The following RNF130 variants were observed in gnomAD, a reference collection of about 807,000 sequenced individuals.
The protein encoded by RNF130 is E3 ubiquitin-protein ligase RNF130.
Under a neutral mutation model 44.6 loss-of-function variants are expected in RNF130, and 21 were observed. That is an observed-to-expected ratio of 0.47 (90% CI 0.33 to 0.68). The LOEUF (loss-of-function observed/expected upper bound fraction) is 0.68. RNF130 is among the 30% of genes least tolerant of loss of function. The pLI, the probability that RNF130 is intolerant of heterozygous loss-of-function variation, is 0.02. For missense variants in RNF130, 479 were observed against 560.6 expected, an observed-to-expected ratio of 0.85 and a Z score of 1.47; for synonymous variants, 214 against 210.4, an observed-to-expected ratio of 1.02 and a Z score of -0.15.
Position 179,977,030 on chromosome 5 carries a change from C to T in RNF130, c.848+1173G>A, listed in dbSNP as rs1409748645. 2 of 152,192 alleles carry T rather than the reference C, an allele frequency of 1.3e-5. No homozygotes were observed. The highest frequency in any genetic ancestry group is 2.9e-5 in the Non-Finnish European group (2 of 68,040). The allele number at this position is 152,192 out of a possible 1,614,324, so 9.4% of individuals were successfully genotyped here. A position where few individuals can be genotyped will look rare whatever the true frequency, so the allele number is the denominator to read the frequency against. ...GCAACCAGGCACAGGCGAGTCCTTT[C>T]CTCATGGAGGAAGGCTTGGTCCCAT... On this transcript the variant is annotated intron_variant, in intron 5 of 8. Coordinates refer to ENST00000521389, the MANE Select transcript of RNF130 (RefSeq NM_018434.6). This position sits in a 1 kb window ranked among gnomAD's most constrained non-coding sequence, Gnocchi z 4.1.
At chr5:180,012,507 A>T (rs1052401922) in intron 3 of RNF130, among the ~76,000 whole-genome samples, 6 of 152,126 alleles carry the variant, frequency 3.9e-5, no homozygotes, top group African/African-American at 1.4e-4. Flanking sequence ...CACTCAACCA[A>T]AATAGATGCG....
intron 1 of RNF130, among the ~76,000 whole-genome samples, chr5:180,053,728 T>TGCTTTC (rs1046961760): frequency 3.9e-5 from 6 of 152,252 alleles, no homozygotes; most frequent in African/African-American, 1.4e-4. Flanking sequence ...TTTTTGCTTT[T>TGCTTTC]GCTTTCTCTA....
intron 7 of RNF130, among the ~76,000 whole-genome samples, chr5:179,949,763 G>C (rs1342982766): frequency 6.6e-6 from 1 of 152,106 alleles, no homozygotes; most frequent in Non-Finnish European, 1.5e-5. Context: ...AGCCTGCGTC[G>C]CTTGGCACGC....
At position 179,920,469 on chromosome 5, in the gene RNF130, C is replaced by T. The variant is rs562431840; in HGVS notation, c.1151-43G>A. On this transcript the variant is annotated intron_variant, in intron 7 of 7. Coordinates refer to the RNF130 transcript ENST00000522208. ...GAAAGAGACTTAATAGGTCACCAGG[C>T]TTGTGTTTCTCACATGGCTAGGAGG... The T allele has an allele frequency of 5.6e-5, 39 of 694,514 alleles. No individual in the cohort carries two copies. In the East Asian group the frequency reaches 1.1e-3, roughly 19 times the overall value. 43.0% of individuals were successfully genotyped at this position (694,514 alleles called of 1,614,324 possible). A position where few individuals can be genotyped will look rare whatever the true frequency, so the allele number is the denominator to read the frequency against.
At chr5:180,033,936 A>G (rs57141821) in intron 2 of RNF130, among the ~76,000 whole-genome samples, 1,879 of 152,316 alleles carry the variant, frequency 0.012, 43 homozygotes, top group African/African-American at 0.043. Flanking sequence ...TTGAGTAAGT[A>G]TAATGTTGAA....
At position 179,991,998 on chromosome 5, in the gene RNF130, A is replaced by T. The variant is rs183276466; in HGVS notation, c.694-11798T>A. On this transcript the variant is annotated intron_variant, in intron 3 of 8. Coordinates refer to ENST00000521389, the MANE Select transcript of RNF130 (RefSeq NM_018434.6). The stretch of plus-strand genomic sequence containing the variant: ...ATGCCACCCCTGATCTGAGAGGAGG[A>T]GCAGCTCAGGAAGTAATGCTAGCAA... Among the ~76,000 whole-genome samples, 585 of 152,244 alleles carry T rather than the reference A, an allele frequency of 3.8e-3. 5 individuals are homozygous for T. Among genetic ancestry groups the T allele is most frequent in the Middle Eastern group, 6.8e-3 (2 of 294 alleles).
At chr5:179,916,588 G>A (rs1172196299) in exon 8 of RNF130, 1 of 152,236 alleles carries the variant, frequency 6.6e-6, no homozygotes, top group Non-Finnish European at 1.5e-5. Context: ...GCCGGCAGGT[G>A]CCAGACCTCA....
chr5:179,943,669 T>C (rs941956150), intron 7 of RNF130, among the ~76,000 whole-genome samples: 6 of 152,128 alleles, frequency 3.9e-5, no homozygotes, highest in Non-Finnish European at 7.3e-5. Flanking sequence ...TTACTCAAAA[T>C]CATAAAGCTA....
chr5:179,986,079 T>C (rs532562479), intron 3 of RNF130, among the ~76,000 whole-genome samples: 2 of 152,344 alleles, frequency 1.3e-5, no homozygotes, highest in African/African-American at 4.8e-5. Context: ...AGTTGTCATA[T>C]AATGACTTTT....
intron 8 of RNF130, 76 bp from the exon 9 acceptor site, chr5:179,955,745 A>AGTTAGGGTC: frequency 8.1e-7 from 1 of 1,232,318 alleles, no homozygotes; most frequent in Non-Finnish European, 1.1e-6. Flanking sequence ...AAGTGACCCT[A>AGTTAGGGTC]ACTGAAGGGT....
chr5:180,056,171 T>C (rs1245319612), intron 1 of RNF130, among the ~76,000 whole-genome samples: 1 of 151,580 alleles, frequency 6.6e-6, no homozygotes, highest in African/African-American at 2.4e-5. Flanking sequence ...CTAGAAAATA[T>C]CATGAAGACT....
chr5:180,031,512 G>C (rs1033762522), intron 2 of RNF130, among the ~76,000 whole-genome samples: 1 of 152,108 alleles, frequency 6.6e-6, no homozygotes, highest in Non-Finnish European at 1.5e-5. Flanking sequence ...AATTTGGGGG[G>C]AGGCAAAAGT....
chr5:180,053,320 G>A (rs1764732243), intron 1 of RNF130, among the ~76,000 whole-genome samples: 1 of 152,172 alleles, frequency 6.6e-6, no homozygotes, highest in African/African-American at 2.4e-5. Flanking sequence ...TGCAGGCCCC[G>A]AACAGAAGTG....
chr5:180,067,154 G>A (rs969988977), intron 1 of RNF130, among the ~76,000 whole-genome samples: 5 of 152,240 alleles, frequency 3.3e-5, no homozygotes, highest in Non-Finnish European at 7.3e-5. Context: ...GCAAGGTGGG[G>A]TGAGGTCAGT....
At chr5:179,969,712 A>C (rs1305793877) in intron 6 of RNF130, among the ~76,000 whole-genome samples, 2 of 151,792 alleles carry the variant, frequency 1.3e-5, no homozygotes, top group East Asian at 3.9e-4. Flanking sequence ...AAAAGTGGCC[A>C]GGCACGGTGG....
chr5:179,934,077 C>T (rs1034871700), intron 7 of RNF130: 25 of 247,372 alleles, frequency 1.0e-4, no homozygotes, highest in South Asian at 7.7e-4. Flanking sequence ...GCTTCATCAC[C>T]GCAGTTAGAA....
intron 3 of RNF130, among the ~76,000 whole-genome samples, chr5:179,988,723 A>G (rs1350493127): frequency 6.6e-6 from 1 of 152,096 alleles, no homozygotes; most frequent in Non-Finnish European, 1.5e-5. Context: ...CTGGTTATTG[A>G]GTTTTATTCC....
chr5:180,011,766 T>TAA (rs79620642), intron 3 of RNF130, among the ~76,000 whole-genome samples: 17 of 145,866 alleles, frequency 1.2e-4, no homozygotes, highest in Non-Finnish European at 1.4e-4. Flanking sequence ...CCCTGTCTCT[T>TAA]AAAAAAAAAA....
At chr5:180,003,724 T>G (rs1012099444) in intron 3 of RNF130, among the ~76,000 whole-genome samples, 1 of 152,206 alleles carries the variant, frequency 6.6e-6, no homozygotes, top group Non-Finnish European at 1.5e-5. Flanking sequence ...TCTATTTGCA[T>G]CCGGCTAACT....
Sources: allele counts gnomAD v4.1 joint callset (sites outside exome capture counted in the v4.1 genomes callset), GRCh38; gene constraint gnomAD v4.1.1; non-coding constraint Gnocchi (gnomAD v3.1); transcripts MANE v1.5; gene names NCBI Gene and HGNC (gene_info 2026-07-23, HGNC 2026-07-21).